Variants in WEE1 observed in about 807,000 individuals in gnomAD.
WEE1 encodes the protein wee1-like protein kinase.
Under a neutral mutation model 68.8 loss-of-function variants are expected in WEE1, and 16 were observed. The observed-to-expected ratio is 0.23, with a 90% CI of 0.16 to 0.35. The LOEUF is 0.35. WEE1 is among the 10% of genes least tolerant of loss of function. The pLI is 1.00. For missense variants in WEE1, 651 were observed against 824.1 expected (o/e 0.79, Z 2.57); for synonymous variants, 349 against 318.7 (o/e 1.09, Z -1.01).
At chr11:9,577,466 C>G in intron 5 of WEE1, 1 of 552,050 alleles carries the variant, frequency 1.8e-6, no homozygotes, top group East Asian at 3.3e-5. Flanking sequence ...AGTAGAACTT[C>G]GCATACTATT....
rs1849535508 is a variant in WEE1 at position 9,574,107 on chromosome 11, C to G, written c.174C>G (p.Pro58=). Reference sequence around the variant, plus strand: ...GGGAGGACTCGGCCTTTCAAGAGCCCGACTCGCCGCTGCCGCCCGCGCGGA... The same window carrying G: ...GGGAGGACTCGGCCTTTCAAGAGCCGGACTCGCCGCTGCCGCCCGCGCGGA... The part of the protein sequence containing the change: ...STGEDSAFQE[P]DSPLPPARSP... The change falls in exon 1 of 11, where the codon CCC becomes CCG. Residue 58 remains proline, a synonymous_variant. Coordinates refer to ENST00000450114, the MANE Select transcript of WEE1 (RefSeq NM_003390.4). The surrounding 1 kb of genome is among the most constrained non-coding windows in gnomAD (Gnocchi z 4.9). 4.9e-6 allele frequency: 6 copies of G among 1,219,282 alleles called. No individual in the cohort carries two copies. The highest frequency in any genetic ancestry group is 2.9e-4 in the Middle Eastern group (1 of 3,438). 75.5% of individuals were successfully genotyped at this position (1,219,282 alleles called of 1,614,324 possible).
rs781017821 is a variant in WEE1, at chr11:9,576,672, C to T, written c.1019+13C>T. ...GCTCTGTTGATGAGTATGTATTAAA[C>T]ATTTTGTCTTTTGCTCTTTTGTCCC... On this transcript the variant is annotated intron_variant, in intron 4 of 10. Transcript: ENST00000450114. This position sits in a 1 kb window ranked among gnomAD's most constrained non-coding sequence, Gnocchi z 4.3. 16 of 1,601,658 alleles carry T rather than the reference C, an allele frequency of 1.0e-5. No homozygotes were observed. In the East Asian group the frequency reaches 3.4e-4, roughly 34 times the overall value.
rs554525969 is a variant in WEE1, at chr11:9,585,312, A to G, written c.1343A>G (p.Asp448Gly). 2 of 1,614,158 alleles carry G rather than the reference A, an allele frequency of 1.2e-6. No individual in the cohort carries two copies. Among genetic ancestry groups the G allele is most frequent in the South Asian group, 2.2e-5 (2 of 91,078 alleles). ...SIPNAASEEG[D>G]EDDWASNKVM... ...CCAAATGCTGCCTCTGAAGAAGGAG[A>G]CGAAGATGATTGGGCATCCAACAAA... Residue 448 changes from aspartate to glycine, a missense_variant, in exon 7 of 11, where the codon GAC becomes GGC. By Grantham distance (94) the Asp-to-Gly change is moderately conservative. Transcript: ENST00000450114.
Position 9,589,791 on chromosome 11 carries a change from T to C in WEE1, c.*1189T>C. ...AATCCTTGTGATGCCTGTTTTCTAA[T>C]ATTTTATCTCTATTATTGCTATACT... On this transcript the variant is annotated 3_prime_UTR_variant, in exon 11 of 11. Transcript: ENST00000450114. The C allele has an allele frequency of 3.6e-6, 3 of 828,052 alleles. No homozygotes were observed. Among genetic ancestry groups the C allele is most frequent in the Non-Finnish European group, 4.4e-6 (3 of 686,168 alleles). 51.3% of individuals were successfully genotyped at this position (828,052 alleles called of 1,614,324 possible).
chr11:9,585,673 C>A, intron 8 of WEE1, 146 bp downstream of exon 8: 1 of 679,524 alleles, frequency 1.5e-6, no homozygotes, highest in Non-Finnish European at 2.3e-6. Flanking sequence ...ATTTAATAAG[C>A]AAAAAGTCAT....
chr11:9,581,367 G>GA (rs946526490), intron 5 of WEE1, 165 bp from the exon 6 acceptor site: 1 of 608,690 alleles, frequency 1.6e-6, no homozygotes, highest in Non-Finnish European at 2.8e-6. Context: ...ATTACCTATT[G>GA]AAAAAACAAT....
At chr11:9,587,552 G>C (rs974515292) in intron 10 of WEE1, among the ~76,000 whole-genome samples, 4 of 152,132 alleles carry the variant, frequency 2.6e-5, no homozygotes, top group Admixed American at 6.5e-5. Context: ...AATTTGGTTA[G>C]GAGATGATTC....
chr11:9,582,723 TG>T (rs1201540962), intron 6 of WEE1, among the ~76,000 whole-genome samples: 1 of 152,028 alleles, frequency 6.6e-6, no homozygotes, highest in African/African-American at 2.4e-5. Context: ...TACACCACCA[TG>T]CCCGGCTAAT....
intron 1 of WEE1, 63 bp from the exon 2 acceptor site, chr11:9,575,825 G>A: frequency 6.8e-7 from 1 of 1,480,228 alleles, no homozygotes; most frequent in South Asian, 1.2e-5. Context: ...TGAAGGTTAG[G>A]TTGAGAAGGC....
chr11:9,577,855 A>G (rs1032970677), intron 5 of WEE1: 1 of 456,146 alleles, frequency 2.2e-6, no homozygotes, highest in Non-Finnish European at 4.4e-6. Flanking sequence ...ACAGGCATGT[A>G]TAGATTCAAG....
At position 9,575,580 on chromosome 11, in the gene WEE1, T is replaced by A. The variant is rs184419031; in HGVS notation, c.577-308T>A. The A allele has an allele frequency of 1.5e-5, 5 of 337,972 alleles. No homozygotes were observed. In the Admixed American group the frequency reaches 2.4e-4, roughly 16 times the overall value. The allele number at this position is 337,972 out of a possible 1,614,324, so 20.9% of individuals were successfully genotyped here. On this transcript the variant is annotated intron_variant, in intron 1 of 10. Transcript: ENST00000450114. The stretch of plus-strand genomic sequence containing the variant: ...GGGCTCTCGGACTGCTTTCTATTTT[T>A]GGATGGGTTGAAAGAATTTGTTAAC...
intron 1 of WEE1, chr11:9,575,047 G>C: frequency 1.0e-6 from 1 of 985,804 alleles, no homozygotes; most frequent in Non-Finnish European, 1.2e-6. Context: ...TGGGAGTAAA[G>C]GCTGGCCTTC....
chr11:9,583,639 T>C (rs964435106), intron 6 of WEE1, among the ~76,000 whole-genome samples: 3 of 149,096 alleles, frequency 2.0e-5, no homozygotes, highest in Non-Finnish European at 4.5e-5. Flanking sequence ...AACCTTCCAA[T>C]TTACAAATAC....
Position 9,585,534 on chromosome 11 carries a change from T to G in WEE1, c.1470+7T>G. ...AAATGAAGTTTTACAGGAGGTAATT[T>G]TTCTTCTCCCTTAATCATAGTTTGC... is the stretch of plus-strand genomic sequence containing the variant. On this transcript the variant is annotated splice_region_variant and intron_variant, in intron 8 of 10. Coordinates refer to ENST00000450114, the MANE Select transcript of WEE1 (RefSeq NM_003390.4). The G allele has an allele frequency of 3.8e-6, 6 of 1,574,004 alleles. No homozygotes were observed. Among genetic ancestry groups the G allele is most frequent in the Non-Finnish European group, 4.3e-6 (5 of 1,167,238 alleles).
rs2134360234 is a variant in WEE1, at chr11:9,588,538, G to T, written c.1877G>T (p.Ser626Ile). 1.2e-6 allele frequency: 2 copies of T among 1,612,204 alleles called. No homozygotes were observed. Among genetic ancestry groups the T allele is most frequent in the East Asian group, 4.5e-5 (2 of 44,742 alleles). The change falls in exon 11 of 11, where the codon AGT becomes ATT. Residue 626 changes from serine (S) to isoleucine (I), a missense_variant. Coordinates refer to ENST00000450114, the MANE Select transcript of WEE1 (RefSeq NM_003390.4). ...ATGGCCACTAGGTCCACCACCCAGAGTAATAGAACATCTCGACTTATTGGA... is the reference window on the plus strand; with the variant it reads ...ATGGCCACTAGGTCCACCACCCAGATTAATAGAACATCTCGACTTATTGGA... ...DRMATRSTTQSNRTSRLIGKK... is the reference protein window; with the variant it reads ...DRMATRSTTQINRTSRLIGKK...
rs768676134 is a variant in WEE1, at chr11:9,586,619, A to T, written c.1641A>T (p.Lys547Asn). The change falls in exon 9 of 11, where the codon AAA becomes AAT. Residue 547 changes from lysine (K) to asparagine (N), a missense_variant and splice_region_variant. By Grantham distance (94) the Lys-to-Asn change is moderately conservative. This residue lies in a region of WEE1 where 115 missense variants were observed against 142.7 expected (regional missense o/e 0.81). Transcript: ENST00000450114. The part of the protein sequence containing the change: ...VLSQEFTELL[K>N]VMIHPDPERR... ...CCCAAGAATTTACAGAGTTGCTAAA[A>T]GTGAGCATTTTATATATGAAGCCCT... is the stretch of plus-strand genomic sequence containing the variant. 3 of 1,614,080 alleles carry T rather than the reference A, an allele frequency of 1.9e-6. No individual in the cohort carries two copies. Among genetic ancestry groups the T allele is most frequent in the Non-Finnish European group, 2.5e-6 (3 of 1,179,972 alleles).
At chr11:9,588,421 A>G in intron 10 of WEE1, 28 bp from the exon 11 acceptor site, 2 of 1,510,548 alleles carry the variant, frequency 1.3e-6, no homozygotes, top group South Asian at 1.3e-5. Context: ...TCCTAGGAAT[A>G]ATACCTTGTT....
At chr11:9,587,818 A>G (rs966599227) in intron 10 of WEE1, among the ~76,000 whole-genome samples, 1 of 152,176 alleles carries the variant, frequency 6.6e-6, no homozygotes, top group African/African-American at 2.4e-5. Flanking sequence ...TTTAATATTT[A>G]AATTATAAGA....
Position 9,586,782 on chromosome 11 carries a change from C to A in WEE1, c.1713C>A (p.Ser571=). ...TGGTAAAGCATTCAGTATTGCTGTC[C>A]GCTTCTAGAAAGAGTGCAGAACAAT... The part of the protein sequence containing the change: ...MALVKHSVLL[S]ASRKSAEQLR... The change falls in exon 10 of 11, where the codon TCC becomes TCA. Residue 571 remains serine (S), a synonymous_variant. Transcript: ENST00000450114. The A allele has an allele frequency of 6.2e-7, 1 of 1,613,950 alleles. No homozygotes were observed. Among genetic ancestry groups the A allele is most frequent in the Non-Finnish European group, 8.5e-7 (1 of 1,179,924 alleles).
Sources: allele counts gnomAD v4.1 joint callset (sites outside exome capture counted in the v4.1 genomes callset), GRCh38; gene constraint gnomAD v4.1.1; regional missense constraint gnomAD v4.1.1; non-coding constraint Gnocchi (gnomAD v3.1); transcripts MANE v1.5; gene names NCBI Gene and HGNC (gene_info 2026-07-23, HGNC 2026-07-21).